The following COL21A1 variants were observed in gnomAD, a reference collection of about 807,000 sequenced individuals.
COL21A1 encodes collagen type XXI alpha 1 chain.
In COL21A1, 149 loss-of-function variants were observed where a neutral mutation model predicts 137.9. The ratio of observed to expected loss-of-function variants is 1.08; its 90% confidence interval spans 0.95 to 1.24. COL21A1 has a LOEUF of 1.24. Ranked by LOEUF, COL21A1 falls within the 50% of genes most tolerant of loss-of-function variation. The pLI, the probability that COL21A1 is intolerant of heterozygous loss-of-function variation, is 0.00. For missense variants in COL21A1, 1,167 were observed against 1,158.4 expected, an observed-to-expected ratio of 1.01 and a Z score of -0.11; for synonymous variants, 456 against 391.5, an observed-to-expected ratio of 1.16 and a Z score of -1.95.
intron 15 of COL21A1, 59 bp downstream of exon 15, chr6:56,124,180 A>G: frequency 6.5e-7 from 1 of 1,537,990 alleles, no homozygotes; most frequent in Non-Finnish European, 8.8e-7. Flanking sequence ...AAAGACAGAT[A>G]CTATAAGATA....
At chr6:56,105,722 C>T (rs1167256503) in intron 16 of COL21A1, among the ~76,000 whole-genome samples, 1 of 152,096 alleles carries the variant, frequency 6.6e-6, no homozygotes, top group African/African-American at 2.4e-5. Context: ...AAATTTTTTC[C>T]ACTTACAACT....
rs367712707 is a variant in COL21A1, at chr6:56,276,807, G to GTT, written c.-38-94153_-38-94152dup. 1.7e-3 allele frequency: 1,509 copies of GTT among 908,278 alleles called. 8 individuals carry two copies. The highest frequency in any genetic ancestry group is 9.4e-3 in the Admixed American group (429 of 45,614). 56.3% of individuals were successfully genotyped at this position (908,278 alleles called of 1,614,324 possible). ...TTGTTCAGTGAGTTGTGTTTTTTTTGTTTTTTTTGTTTTTTTTTTGAGACA... is the reference window on the plus strand; with the variant it reads ...TTGTTCAGTGAGTTGTGTTTTTTTTGTTTTTTTTTTGTTTTTTTTTTGAGACA... On this transcript the variant is annotated intron_variant, in intron 1 of 28. Coordinates refer to the COL21A1 transcript ENST00000370819.
intron 1 of COL21A1, among the ~76,000 whole-genome samples, chr6:56,356,597 C>T (rs1765836832): frequency 6.6e-6 from 1 of 152,220 alleles, no homozygotes; most frequent in South Asian, 2.1e-4. Context: ...ATGGTGACAA[C>T]TTGCAGGCAG....
At chr6:56,190,236 G>C (rs9475599) in intron 1 of COL21A1, among the ~76,000 whole-genome samples, 3,285 of 152,038 alleles carry the variant, frequency 0.022, 121 homozygotes, top group African/African-American at 0.075. Context: ...CAAATAGATG[G>C]AATAAAAAAT....
intron 1 of COL21A1, among the ~76,000 whole-genome samples, chr6:56,321,319 T>C (rs1337500832): frequency 6.6e-6 from 1 of 152,166 alleles, no homozygotes; most frequent in Non-Finnish European, 1.5e-5. Flanking sequence ...ATAAAAAAAA[T>C]TGGGTTCTCT....
intron 16 of COL21A1, among the ~76,000 whole-genome samples, chr6:56,110,501 TTAAAATAAA>T (rs1015890379): frequency 1.3e-5 from 2 of 151,822 alleles, no homozygotes; most frequent in African/African-American, 4.8e-5. Context: ...AATAAAACTA[TTAAAATAAA>T]TAAATTTCAT....
intron 1 of COL21A1, among the ~76,000 whole-genome samples, chr6:56,360,999 G>A (rs1006900994): frequency 1.3e-5 from 2 of 152,144 alleles, no homozygotes; most frequent in African/African-American, 4.8e-5. Flanking sequence ...TACTTAGGAG[G>A]CTGAGAATCG....
At chr6:56,068,396 T>A (rs1270119449) in intron 22 of COL21A1, among the ~76,000 whole-genome samples, 1 of 151,562 alleles carries the variant, frequency 6.6e-6, no homozygotes, top group Non-Finnish European at 1.5e-5. Context: ...CACACAGGCA[T>A]CAATTGTTGC....
intron 1 of COL21A1, among the ~76,000 whole-genome samples, chr6:56,246,881 C>A (rs972487343): frequency 1.3e-5 from 2 of 152,018 alleles, no homozygotes; most frequent in Non-Finnish European, 2.9e-5. Flanking sequence ...GTCCCACCCC[C>A]AGAGATTCTG....
chr6:56,116,160 G>A (rs778165114), intron 16 of COL21A1, among the ~76,000 whole-genome samples: 6 of 151,928 alleles, frequency 3.9e-5, no homozygotes, highest in Non-Finnish European at 7.4e-5. Context: ...CAATATCCAA[G>A]TACTTGAAGG....
intron 1 of COL21A1, among the ~76,000 whole-genome samples, chr6:56,229,906 G>T (rs1404065024): frequency 6.6e-6 from 1 of 151,862 alleles, no homozygotes; most frequent in Non-Finnish European, 1.5e-5. Flanking sequence ...CAAAAAACTG[G>T]AGGGATTTTT....
intron 1 of COL21A1, among the ~76,000 whole-genome samples, chr6:56,306,976 G>T (rs567392934): frequency 1.2e-4 from 18 of 152,326 alleles, no homozygotes; most frequent in African/African-American, 4.3e-4. Context: ...GTTGGAGTTT[G>T]CTGGAGGTCC....
At chr6:56,143,200 T>G (rs1329097447) in intron 10 of COL21A1, among the ~76,000 whole-genome samples, 1 of 91,978 alleles carries the variant, frequency 1.1e-5, no homozygotes, top group Non-Finnish European at 2.1e-5. Flanking sequence ...ACAATTTTTC[T>G]TTTTTTTTTT....
chr6:56,302,102 C>T (rs1294466714), intron 1 of COL21A1, among the ~76,000 whole-genome samples: 5 of 151,750 alleles, frequency 3.3e-5, no homozygotes, highest in Non-Finnish European at 7.4e-5. Context: ...TGTATATGTG[C>T]CACATTTTCT....
chr6:56,313,095 G>A (rs750073698), intron 1 of COL21A1, among the ~76,000 whole-genome samples: 3 of 152,152 alleles, frequency 2.0e-5, no homozygotes, highest in African/African-American at 7.2e-5. Context: ...GGGCAGGGGA[G>A]GAGGATGCAG....
intron 1 of COL21A1, among the ~76,000 whole-genome samples, chr6:56,286,790 T>C (rs7743024): frequency 0.013 from 2,053 of 152,266 alleles, 22 homozygotes; most frequent in South Asian, 0.022. Flanking sequence ...CCATATACAC[T>C]ATAAAGTGAT....
At chr6:56,331,675 A>G (rs1161861336) in intron 1 of COL21A1, 1 of 152,066 alleles carries the variant, frequency 6.6e-6, no homozygotes, top group Non-Finnish European at 1.5e-5. Flanking sequence ...TGTTTTGGTT[A>G]CTAAAGCCTG....
chr6:56,157,012 T>C (rs534460788), intron 9 of COL21A1, 63 bp from the exon 10 acceptor site: 1 of 1,134,712 alleles, frequency 8.8e-7, no homozygotes, highest in East Asian at 2.5e-5. Context: ...GCAGTCAGGA[T>C]CAATAAAAGT....
chr6:56,321,604 G>A (rs78685662), intron 1 of COL21A1, among the ~76,000 whole-genome samples: 19,212 of 152,116 alleles, frequency 0.13, 2,654 homozygotes, highest in East Asian at 0.55. Flanking sequence ...AAATTGGGTC[G>A]TAAAGCAATG....
Sources: gnomAD v4.1 joint callset for allele counts (sites outside exome capture counted in the v4.1 genomes callset) on GRCh38, gnomAD v4.1.1 for gene constraint, MANE v1.5 for transcripts, NCBI Gene and HGNC (gene_info 2026-07-23, HGNC 2026-07-21) for gene names.